The following RFX1 variants were observed in gnomAD, a reference collection of about 807,000 sequenced individuals.
RFX1 encodes MHC class II regulatory factor RFX1.
RFX1 carries 42 observed loss-of-function variants against 119.6 expected under a neutral mutation model. The ratio of observed to expected loss-of-function variants is 0.35; its 90% CI spans 0.27 to 0.45. The LOEUF (loss-of-function observed/expected upper bound fraction) is 0.45, where lower values mean the gene tolerates loss of function less well. Ranked by LOEUF, RFX1 falls within the 20% of genes least tolerant of loss-of-function variation. The pLI is 1.00. For synonymous variants in RFX1, 628 were observed against 618.5 expected (o/e 1.02, Z -0.23); for missense variants, 1,118 against 1,368.1 (o/e 0.82, Z 2.88).
At chr19:13,977,669 G>A (rs983287599) in intron 8 of RFX1, among the ~76,000 whole-genome samples, 1 of 151,708 alleles carries the variant, frequency 6.6e-6, no homozygotes, top group African/African-American at 2.4e-5. Context: ...TGCCCGCTTA[G>A]GCCTCCCAAA....
chr19:13,993,925 G>T, intron 1 of RFX1, 30 bp from the exon 2 acceptor site: 1 of 1,168,858 alleles, frequency 8.6e-7, no homozygotes, highest in Non-Finnish European at 1.2e-6. Flanking sequence ...ATGGGGGAGA[G>T]AAAAACAAAA....
At chr19:13,993,470 G>T in intron 2 of RFX1, 55 bp downstream of exon 2, 1 of 1,540,520 alleles carries the variant, frequency 6.5e-7, no homozygotes, top group Non-Finnish European at 8.8e-7. Flanking sequence ...CCAGGGTCTA[G>T]GCTATCTGAA....
At position 13,993,796 on chromosome 19, in the gene RFX1, G is replaced by A. The variant is rs1974891472; in HGVS notation, c.48C>T (p.Ser16=). 6.2e-7 allele frequency: 1 copy of A among 1,601,832 alleles called. No homozygotes were observed. Among genetic ancestry groups the A allele is most frequent in the Non-Finnish European group, 8.5e-7 (1 of 1,175,022 alleles). Residue 16 remains serine (S), a synonymous_variant, in exon 2 of 21, where the codon TCC becomes TCT. Transcript: ENST00000254325. The part of the protein sequence containing the change: ...YTELQAAPPP[S]QPPQAPPQAQ... ...CTTGTGGCGGGGCCTGTGGCGGCTG[G>A]GATGGTGGCGGGGCTGCCTGTAGCT...
Position 13,974,164 on chromosome 19 carries a change from G to A in RFX1, c.930-1037C>T, listed in dbSNP as rs901209967. 2.6e-5 allele frequency among the ~76,000 whole-genome samples: 4 copies of A among 152,228 alleles called. No individual in the cohort carries two copies. In the East Asian group the frequency reaches 5.8e-4, roughly 22 times the overall value. Reference sequence around the variant, plus strand: ...AAGCCACGTGCAAAGGTAAATGAGAGATCATAACAGAAGGTGATCAGGCAG... The same window carrying A: ...AAGCCACGTGCAAAGGTAAATGAGAAATCATAACAGAAGGTGATCAGGCAG... On this transcript the variant is annotated intron_variant, in intron 8 of 20. Transcript: ENST00000254325.
At chr19:14,006,714 T>A (rs967306019), upstream of RFX1, 10 of 152,232 alleles carry the variant, frequency 6.6e-5, no homozygotes, top group African/African-American at 2.2e-4. Flanking sequence ...GATTGGGAGT[T>A]GTAGTCCGCT....
intron 2 of RFX1, 77 bp downstream of exon 2, chr19:13,993,448 G>A (rs1974872020): frequency 1.4e-6 from 2 of 1,418,028 alleles, no homozygotes; most frequent in African/African-American, 1.4e-5. Flanking sequence ...TGGCAGCCCT[G>A]TGCCTTCACA....
intron 4 of RFX1, 58 bp downstream of exon 4, chr19:13,983,129 G>T (rs1974479729): frequency 7.7e-7 from 1 of 1,298,486 alleles, no homozygotes; most frequent in Non-Finnish European, 1.1e-6. Context: ...GCCACAGGGG[G>T]TTGGTCCTCC....
chr19:13,992,373 G>C (rs904859119), intron 2 of RFX1, among the ~76,000 whole-genome samples: 6 of 152,244 alleles, frequency 3.9e-5, no homozygotes, highest in African/African-American at 1.4e-4. Context: ...CCCTCAGGCA[G>C]ACCCTAAACC....
At position 13,966,577 on chromosome 19, in the gene RFX1, C is replaced by T; in HGVS notation, c.1852-47G>A. 1.3e-6 allele frequency: 2 copies of T among 1,522,570 alleles called. No individual in the cohort carries two copies. The highest frequency in any genetic ancestry group is 1.4e-5 in the African/African-American group (1 of 72,706). 94.3% of individuals were successfully genotyped at this position (1,522,570 alleles called of 1,614,324 possible). A position where few individuals can be genotyped will look rare whatever the true frequency, so the allele number is the denominator to read the frequency against. On this transcript the variant is annotated intron_variant, in intron 13 of 20. Transcript: ENST00000254325. The surrounding 1 kb of genome is among the most constrained non-coding windows in gnomAD (Gnocchi z 6.3). ...AGGGAGGCTGGGGGGCAGCATGGCC[C>T]TCCCATGCCCGTGGCTGCGTCCCCG...
rs746239432 is a variant in RFX1, at chr19:13,972,791, G to C, written c.1266C>G (p.Gly422=). ...TYVIQGGYML[G]SASQSYSHTT... ...TGTGAGAGTAAGACTGGCTGGCACTGCCCAGCATGTAGCCGCCTTGGATCA... is the reference window on the plus strand; with the variant it reads ...TGTGAGAGTAAGACTGGCTGGCACTCCCCAGCATGTAGCCGCCTTGGATCA... The change falls in exon 9 of 21, where the codon GGC becomes GGG. Residue 422 remains glycine (G), a synonymous_variant. Coordinates refer to ENST00000254325, the MANE Select transcript of RFX1 (RefSeq NM_002918.5). 103 of 1,608,418 alleles carry C rather than the reference G, an allele frequency of 6.4e-5. No individual in the cohort carries two copies. The Middle Eastern group carries it at 8.7e-4, about 14-fold the overall frequency.
At chr19:13,978,509 A>C (rs1264493798) in intron 7 of RFX1, among the ~76,000 whole-genome samples, 3 of 152,178 alleles carry the variant, frequency 2.0e-5, no homozygotes, top group Non-Finnish European at 2.9e-5. Context: ...CAGAACCTGG[A>C]ATCACTGACA....
In RFX1 at chr19:13,993,428, T is replaced by C. The variant is rs1458053701; in HGVS notation, c.319+97A>G. The C allele has an allele frequency of 7.2e-6, 9 of 1,250,008 alleles. No individual in the cohort carries two copies. In the South Asian group the frequency reaches 8.7e-5, roughly 12 times the overall value. 77.4% of individuals were successfully genotyped at this position (1,250,008 alleles called of 1,614,324 possible). A position where few individuals can be genotyped will look rare whatever the true frequency, so the allele number is the denominator to read the frequency against. On this transcript the variant is annotated intron_variant, in intron 2 of 20. Coordinates refer to ENST00000254325, the MANE Select transcript of RFX1 (RefSeq NM_002918.5). ...ATACCCCAAGTCCCATCCAGAAACC[T>C]TGGGGGGCATGGCAGCCCTGTGCCT...
chr19:14,005,232 C>T (rs1254110960), intron 1 of RFX1, among the ~76,000 whole-genome samples: 1 of 152,184 alleles, frequency 6.6e-6, no homozygotes, highest in Admixed American at 6.5e-5. Flanking sequence ...TCCTCTAAAG[C>T]ATTCCCTCAT....
rs1413653744 is a variant in RFX1 at position 13,986,091 on chromosome 19, C to T, written c.320-2496G>A. 1.3e-5 allele frequency among the ~76,000 whole-genome samples: 2 copies of T among 152,198 alleles called. No individual in the cohort carries two copies. The highest frequency in any genetic ancestry group is 6.5e-5 in the Admixed American group (1 of 15,286). ...AGGGAGGAGGCCCTTGCTGAGAGGG[C>T]CCCTCCTGGGAGAAACCCGAGACAG... On this transcript the variant is annotated intron_variant, in intron 2 of 20. Transcript: ENST00000254325. The surrounding 1 kb of genome is among the most constrained non-coding windows in gnomAD (Gnocchi z 4.2).
At position 13,983,543 on chromosome 19, in the gene RFX1, G is replaced by C; in HGVS notation, c.372C>G (p.Thr124=). ...ETVSEASPGS[T]ASQTGVPTQV... ...GAGTAGGAACGCCGGTCTGGCTGGC[G>C]GTGGAGCCGGGGCTGGCCTCCGACA... Residue 124 remains threonine (T), a synonymous_variant, in exon 3 of 21, where the codon ACC becomes ACG. Coordinates refer to ENST00000254325, the MANE Select transcript of RFX1 (RefSeq NM_002918.5). The C allele has an allele frequency of 6.2e-7, 1 of 1,611,368 alleles. No homozygotes were observed. The highest frequency in any genetic ancestry group is 8.5e-7 in the Non-Finnish European group (1 of 1,179,566).
At position 13,973,529 on chromosome 19, in the gene RFX1, T is replaced by C. The variant is rs574173813; in HGVS notation, c.930-402A>G. The stretch of plus-strand genomic sequence containing the variant: ...TGGGAGGCTGAGGCAGGAAGATCCC[T>C]TGAGTCCAGGAGTTCAAGGTTGTAG... On this transcript the variant is annotated intron_variant, in intron 8 of 20. Transcript: ENST00000254325. 4.2e-4 allele frequency among the ~76,000 whole-genome samples: 64 copies of C among 152,264 alleles called. 1 individual carries two copies. Among genetic ancestry groups the C allele is most frequent in the South Asian group, 1.0e-3 (5 of 4,826 alleles).
rs778988687 is a variant in RFX1, at chr19:13,970,194, G to T, written c.1315-19C>A. On this transcript the variant is annotated intron_variant, in intron 9 of 20. Coordinates refer to ENST00000254325, the MANE Select transcript of RFX1 (RefSeq NM_002918.5). ...ACTGGACCTGGGGTGGGAGGGAGAT[G>T]GGAGAGCACCAGTCAGAGGCGCTTC... 5.1e-6 allele frequency: 8 copies of T among 1,583,008 alleles called. No individual in the cohort carries two copies. In the South Asian group the frequency reaches 7.9e-5, roughly 16 times the overall value.
In RFX1 at chr19:13,989,849, G is replaced by A. The variant is rs145971450; in HGVS notation, c.319+3676C>T. On this transcript the variant is annotated intron_variant, in intron 2 of 20. Coordinates refer to ENST00000254325, the MANE Select transcript of RFX1 (RefSeq NM_002918.5). ...AGGCTCGACCAGGATTGGGGTCATA[G>A]AAGTGGAAGAGGCGGGGGGGGTTCT... is the stretch of plus-strand genomic sequence containing the variant. Among the ~76,000 whole-genome samples, 543 of 103,852 alleles carry A rather than the reference G, an allele frequency of 5.2e-3. 4 individuals carry two copies. Among genetic ancestry groups the A allele is most frequent in the African/African-American group, 0.025 (519 of 20,574 alleles). The allele number at this position is 103,852 out of a possible 152,430, so 68.1% of individuals were successfully genotyped here. A position where few individuals can be genotyped will look rare whatever the true frequency, so the allele number is the denominator to read the frequency against.
upstream of RFX1, chr19:14,006,530 C>T (rs866576352): frequency 2.6e-5 from 4 of 152,306 alleles, no homozygotes; most frequent in African/African-American, 7.2e-5. Flanking sequence ...CAGCCGGGCC[C>T]GTCACTCCGG....
Sources: allele counts gnomAD v4.1 joint callset (sites outside exome capture counted in the v4.1 genomes callset), GRCh38; gene constraint gnomAD v4.1.1; non-coding constraint Gnocchi (gnomAD v3.1); transcripts MANE v1.5; gene names NCBI Gene and HGNC (gene_info 2026-07-23, HGNC 2026-07-21).